Variants in AMZ1 observed in about 807,000 individuals in gnomAD.
AMZ1 encodes the protein archaelysin family metallopeptidase 1, also known as archaemetzincin-1.
A neutral mutation model predicts 29.9 loss-of-function variants in AMZ1; 39 were observed. That is an observed-to-expected ratio of 1.30 (90% confidence interval 1.01 to 1.70). AMZ1 has a LOEUF of 1.70. Ranked by LOEUF, AMZ1 falls within the 40% of genes most tolerant of loss-of-function variation. The probability of loss-of-function intolerance (pLI) is 0.00; values close to 1 mark genes in which losing one functional copy is unlikely to be tolerated. For synonymous variants in AMZ1, 458 were observed against 304.0 expected (o/e 1.51, Z -5.27); for missense variants, 1,041 against 680.6 (o/e 1.53, Z -5.89).
rs867214957 is a variant in AMZ1, at chr7:2,688,275, C to T, written c.-240C>T. The T allele has an allele frequency of 6.6e-6, 1 of 151,750 alleles. No homozygotes were observed. The highest frequency in any genetic ancestry group is 1.9e-4 in the East Asian group (1 of 5,176). The allele number at this position is 151,750 out of a possible 1,614,324, so 9.4% of individuals were successfully genotyped here. A position where few individuals can be genotyped will look rare whatever the true frequency, so the allele number is the denominator to read the frequency against. ...GTGCCCGGCGCGGCCTCTGCCGGCT[C>T]CGGCGGGCGCGGGACTGCGAGGTAG... is the stretch of plus-strand genomic sequence containing the variant. On this transcript the variant is annotated 5_prime_UTR_variant, in exon 1 of 7. Transcript: ENST00000683327.
At position 2,712,584 on chromosome 7, in the gene AMZ1, G is replaced by A. The variant is rs781322540; in HGVS notation, c.1203G>A (p.Ala401=). 47 of 1,612,050 alleles carry A rather than the reference G, an allele frequency of 2.9e-5. No homozygotes were observed. The highest frequency in any genetic ancestry group is 6.7e-5 in the African/African-American group (5 of 74,916). The change falls in exon 7 of 7, where the codon GCG becomes GCA. Residue 401 remains alanine, a synonymous_variant. Transcript: ENST00000683327. ...CTCCGCTGCCACCTGGGGGCCCTGC[G>A]GAGGCCATCAAGGAGCATGAACGGT... is the stretch of plus-strand genomic sequence containing the variant. The part of the protein sequence containing the change: ...SEAPLPPGGP[A]EAIKEHERWL...
chr7:2,761,317 C>T (rs778096683), upstream of AMZ1, among the ~76,000 whole-genome samples: 25 of 152,332 alleles, frequency 1.6e-4, no homozygotes, highest in Non-Finnish European at 2.8e-4. Context: ...CTCACAGAGC[C>T]GTCTGCTGGC....
rs547602324 is a variant in AMZ1 at position 2,693,370 on chromosome 7, C to T, written c.-219+5074C>T. On this transcript the variant is annotated intron_variant, in intron 1 of 6. Transcript: ENST00000683327. ...TGCTGGGATTACAGGTGTGAGCCAC[C>T]GTGCCTGGTTGGTGGGATTGTTGTT... 2.4e-3 allele frequency among the ~76,000 whole-genome samples: 364 copies of T among 151,824 alleles called. 1 individual carries two copies. The highest frequency in any genetic ancestry group is 8.3e-3 in the African/African-American group (344 of 41,368).
chr7:2,686,581 C>T (rs1176270109), upstream of AMZ1, among the ~76,000 whole-genome samples: 1 of 152,156 alleles, frequency 6.6e-6, no homozygotes, highest in Non-Finnish European at 1.5e-5. Context: ...AGAAGGCGAT[C>T]AGAAGGATGT....
upstream of AMZ1, among the ~76,000 whole-genome samples, chr7:2,687,021 T>A (rs1383138004): frequency 6.6e-6 from 1 of 151,348 alleles, no homozygotes; most frequent in Non-Finnish European, 1.5e-5. Context: ...CCGTGTTATT[T>A]CTTAAGGCTT....
chr7:2,762,832 G>A, upstream of AMZ1: 1 of 1,506,470 alleles, frequency 6.6e-7, no homozygotes, highest in Non-Finnish European at 8.9e-7. Context: ...CACACACCCA[G>A]TCAGCGCGGC....
At chr7:2,701,764 C>T (rs1196902250) in intron 2 of AMZ1, among the ~76,000 whole-genome samples, 1 of 152,226 alleles carries the variant, frequency 6.6e-6, no homozygotes, top group Non-Finnish European at 1.5e-5. Context: ...CCTGGCCTTG[C>T]CCCACGCAGG....
chr7:2,729,788 G>A (rs900333666), intron 4 of AMZ1: 1 of 152,394 alleles, frequency 6.6e-6, no homozygotes, highest in Non-Finnish European at 1.5e-5. Context: ...AAACACACTA[G>A]GCAGGATTTC....
chr7:2,706,497 C>T (rs746281284), intron 3 of AMZ1, among the ~76,000 whole-genome samples: 11 of 152,192 alleles, frequency 7.2e-5, no homozygotes, highest in Non-Finnish European at 1.3e-4. Flanking sequence ...AGTTCTTAAC[C>T]AAGGTTTTGG....
intron 3 of AMZ1, among the ~76,000 whole-genome samples, chr7:2,703,507 C>T (rs798469): frequency 0.29 from 39,223 of 135,744 alleles, 5,131 homozygotes; most frequent in African/African-American, 0.4. Flanking sequence ...GTACTTTACA[C>T]GTGCCTAGAT....
At chr7:2,686,596 C>G (rs1315216685), upstream of AMZ1, among the ~76,000 whole-genome samples, 1 of 152,094 alleles carries the variant, frequency 6.6e-6, no homozygotes, top group African/African-American at 2.4e-5. Flanking sequence ...GGATGTCTGA[C>G]AAGAAGGTGA....
chr7:2,761,089 G>C (rs1339559378), upstream of AMZ1, among the ~76,000 whole-genome samples: 1 of 152,198 alleles, frequency 6.6e-6, no homozygotes, highest in Non-Finnish European at 1.5e-5. Flanking sequence ...CTCATAGAAA[G>C]CATTTCCTAC....
At chr7:2,757,954 T>C (rs1791382518) in intron 4 of AMZ1, among the ~76,000 whole-genome samples, 3 of 152,214 alleles carry the variant, frequency 2.0e-5, no homozygotes, top group Admixed American at 2.0e-4. Context: ...TAAGGAATGA[T>C]TCTTCCCTCC....
intron 1 of AMZ1, among the ~76,000 whole-genome samples, chr7:2,689,376 G>GGGC (rs369002933): frequency 4.6e-5 from 7 of 152,094 alleles, no homozygotes; most frequent in Admixed American, 1.3e-4. Context: ...TCCCTGGGGG[G>GGGC]GGGATGCGGA....
chr7:2,708,764 G>T, intron 4 of AMZ1, 48 bp downstream of exon 4: 2 of 1,609,340 alleles, frequency 1.2e-6, no homozygotes, highest in Non-Finnish European at 1.7e-6. Flanking sequence ...CCTGGCATGG[G>T]GCTGTGGCCT....
chr7:2,692,924 C>G (rs906633754), intron 1 of AMZ1, among the ~76,000 whole-genome samples: 1 of 152,168 alleles, frequency 6.6e-6, no homozygotes, highest in Non-Finnish European at 1.5e-5. Flanking sequence ...AGCCCCCAGA[C>G]GTATCTGCTG....
intron 1 of AMZ1, among the ~76,000 whole-genome samples, chr7:2,699,506 C>T (rs545370541): frequency 1.6e-4 from 24 of 151,902 alleles, no homozygotes; most frequent in African/African-American, 5.1e-4. Context: ...GGGACGTCTG[C>T]GTGCTGTTGG....
chr7:2,727,451 C>T (rs1265854689), intron 4 of AMZ1, among the ~76,000 whole-genome samples: 1 of 152,124 alleles, frequency 6.6e-6, no homozygotes, highest in African/African-American at 2.4e-5. Context: ...TCGCAGCTCG[C>T]TGTAGCCTCA....
intron 1 of AMZ1, among the ~76,000 whole-genome samples, chr7:2,699,121 C>A (rs553663014): frequency 6.6e-6 from 1 of 152,116 alleles, no homozygotes; most frequent in Non-Finnish European, 1.5e-5. Flanking sequence ...CACAACCACC[C>A]CTTTGCTTTT....
Sources: gnomAD v4.1 joint callset for allele counts (sites outside exome capture counted in the v4.1 genomes callset) on GRCh38, gnomAD v4.1.1 for gene constraint, MANE v1.5 for transcripts, NCBI Gene and HGNC (gene_info 2026-07-23, HGNC 2026-07-21) for gene names.